SLC35E1: variants seen among roughly 807,000 people sequenced by gnomAD.
SLC35E1 encodes solute carrier family 35, member E1.
SLC35E1 carries 12 observed loss-of-function variants against 31.0 expected under a neutral mutation model. That is an observed-to-expected ratio of 0.39 (90% CI 0.25 to 0.63). The LOEUF (loss-of-function observed/expected upper bound fraction) is 0.63, where lower values mean the gene tolerates loss of function less well. Ranked by LOEUF, SLC35E1 falls within the 20% of genes least tolerant of loss-of-function variation. The pLI, the probability that SLC35E1 is intolerant of heterozygous loss-of-function variation, is 0.52. For synonymous variants in SLC35E1, 257 were observed against 264.1 expected (o/e 0.97, Z 0.26); for missense variants, 429 against 572.2 (o/e 0.75, Z 2.55).
chr19:16,558,761 T>A (rs934535375), intron 4 of SLC35E1, among the ~76,000 whole-genome samples: 1 of 149,640 alleles, frequency 6.7e-6, no homozygotes, highest in East Asian at 2.0e-4. Context: ...TTTCAGTCCA[T>A]CCCTTGAGTT....
chr19:16,560,881 CAAAA>C (rs1304202019), intron 4 of SLC35E1, among the ~76,000 whole-genome samples: 3 of 68,060 alleles, frequency 4.4e-5, no homozygotes, highest in Non-Finnish European at 8.6e-5. Context: ...AAAAAAAAAC[CAAAA>C]AAAAAAAAAA....
In SLC35E1 at chr19:16,555,110, G is replaced by C. The variant is rs778660229; in HGVS notation, c.1002+42C>G. On this transcript the variant is annotated intron_variant, in intron 5 of 5. Transcript: ENST00000595753. This position sits in a 1 kb window ranked among gnomAD's most constrained non-coding sequence, Gnocchi z 4.1. ...TCCTTTTCTGACTTCCTGGGTGTTG[G>C]GGGGCCGGCTTCCTTCCCTGCCCAG... is the stretch of plus-strand genomic sequence containing the variant. 1 of 1,611,180 alleles carries C rather than the reference G, an allele frequency of 6.2e-7. No individual in the cohort carries two copies. Among genetic ancestry groups the C allele is most frequent in the South Asian group, 1.1e-5 (1 of 90,836 alleles).
At chr19:16,571,919 C>A (rs1040481950) in intron 1 of SLC35E1, 25 bp downstream of exon 1, 6 of 1,530,932 alleles carry the variant, frequency 3.9e-6, no homozygotes, top group Non-Finnish European at 8.8e-7. Context: ...CGGCCGCCGC[C>A]CCCGAGGCCG....
At chr19:16,568,503 C>T (rs1433489133) in intron 2 of SLC35E1, among the ~76,000 whole-genome samples, 2 of 152,244 alleles carry the variant, frequency 1.3e-5, no homozygotes, top group African/African-American at 4.8e-5. Context: ...AGCCCTGATC[C>T]TCTATAAGGC....
In SLC35E1 at chr19:16,553,042, T is replaced by A. The variant is rs1160321238; in HGVS notation, c.*637A>T. On this transcript the variant is annotated 3_prime_UTR_variant, in exon 6 of 6. Coordinates refer to ENST00000595753, the MANE Select transcript of SLC35E1 (RefSeq NM_024881.5). ...GCACCAGGCTGCAGGAACTGGATGC[T>A]AATTGCAATCGCTTTTTGCTTTGGA... The A allele has an allele frequency of 6.6e-6, 1 of 152,242 alleles. No homozygotes were observed. The highest frequency in any genetic ancestry group is 1.5e-5 in the Non-Finnish European group (1 of 68,066). The allele number at this position is 152,242 out of a possible 1,614,324, so 9.4% of individuals were successfully genotyped here.
chr19:16,561,240 A>G lies in SLC35E1; in HGVS notation c.756+5292T>C, dbSNP rs1024219917. Among the ~76,000 whole-genome samples the G allele has an allele frequency of 3.9e-3, 504 of 128,856 alleles. 8 individuals carry two copies. The highest frequency in any genetic ancestry group is 0.015 in the African/African-American group (454 of 30,422). The allele number at this position is 128,856 out of a possible 152,430, so 84.5% of individuals were successfully genotyped here. On this transcript the variant is annotated intron_variant, in intron 4 of 5. Coordinates refer to ENST00000595753, the MANE Select transcript of SLC35E1 (RefSeq NM_024881.5). ...AAAAAAAAAAAAAAAAAAAAAAAAA[A>G]AAAGAAAGAAAAGAAAAGAGAAAGC... is the stretch of plus-strand genomic sequence containing the variant.
intron 4 of SLC35E1, among the ~76,000 whole-genome samples, chr19:16,561,544 A>G (rs1361790199): frequency 6.6e-6 from 1 of 152,070 alleles, no homozygotes; most frequent in East Asian, 1.9e-4. Flanking sequence ...AAGTTTTGAA[A>G]CCAGGCCACC....
At position 16,553,613 on chromosome 19, in the gene SLC35E1, A is replaced by C; in HGVS notation, c.*66T>G. 7.4e-7 allele frequency: 1 copy of C among 1,348,894 alleles called. No individual in the cohort carries two copies. Among genetic ancestry groups the C allele is most frequent in the Non-Finnish European group, 9.9e-7 (1 of 1,009,228 alleles). 83.6% of individuals were successfully genotyped at this position (1,348,894 alleles called of 1,614,324 possible). A position where few individuals can be genotyped will look rare whatever the true frequency, so the allele number is the denominator to read the frequency against. ...GGTTGTACATTCACTGATTGTCAGAAGTTTCTGATACTGCTGTGGGGGCCG... is the reference window on the plus strand; with the variant it reads ...GGTTGTACATTCACTGATTGTCAGACGTTTCTGATACTGCTGTGGGGGCCG... On this transcript the variant is annotated 3_prime_UTR_variant, in exon 6 of 6. Coordinates refer to ENST00000595753, the MANE Select transcript of SLC35E1 (RefSeq NM_024881.5).
At chr19:16,563,869 A>G (rs529332172) in intron 4 of SLC35E1, among the ~76,000 whole-genome samples, 1 of 152,362 alleles carries the variant, frequency 6.6e-6, no homozygotes, top group South Asian at 2.1e-4. Flanking sequence ...GAGTGAGTGT[A>G]CAGTAGAATA....
At chr19:16,568,468 C>T (rs2085942658) in intron 2 of SLC35E1, among the ~76,000 whole-genome samples, 1 of 152,252 alleles carries the variant, frequency 6.6e-6, no homozygotes, top group African/African-American at 2.4e-5. Flanking sequence ...ATCTGTTCAG[C>T]TGCCACTGAC....
chr19:16,553,988 G>T, intron 5 of SLC35E1, 79 bp from the exon 6 acceptor site: 2 of 1,284,544 alleles, frequency 1.6e-6, no homozygotes, highest in Non-Finnish European at 2.1e-6. Flanking sequence ...CAACTGGCTG[G>T]CTGCGGTGGC....
In SLC35E1 at chr19:16,550,848, A is replaced by G. The variant is rs531506364; in HGVS notation, c.*2831T>C. 6.6e-6 allele frequency: 1 copy of G among 152,324 alleles called. No individual in the cohort carries two copies. Among genetic ancestry groups the G allele is most frequent in the African/African-American group, 2.4e-5 (1 of 41,564 alleles). The allele number at this position is 152,324 out of a possible 1,614,324, so 9.4% of individuals were successfully genotyped here. ...CATTCCAGTGTACGTACTTGCTGTA[A>G]ATTTATATACAGAATTAAATAGCCC... On this transcript the variant is annotated 3_prime_UTR_variant, in exon 6 of 6. Transcript: ENST00000595753.
At chr19:16,569,271 C>T (rs1013336547) in intron 2 of SLC35E1, among the ~76,000 whole-genome samples, 1 of 152,142 alleles carries the variant, frequency 6.6e-6, no homozygotes, top group African/African-American at 2.4e-5. Flanking sequence ...GATCTGCCCA[C>T]CTTGGCCTCC....
intron 4 of SLC35E1, among the ~76,000 whole-genome samples, chr19:16,563,792 A>C (rs1203242767): frequency 6.6e-6 from 1 of 152,198 alleles, no homozygotes; most frequent in Non-Finnish European, 1.5e-5. Flanking sequence ...GCAAAGAAAT[A>C]CTAACCTTTT....
At chr19:16,570,657 T>C (rs1244195561) in intron 2 of SLC35E1, among the ~76,000 whole-genome samples, 1 of 152,210 alleles carries the variant, frequency 6.6e-6, no homozygotes, top group Non-Finnish European at 1.5e-5. Flanking sequence ...GAGTCCTGTG[T>C]GCCACTTTCG....
chr19:16,563,414 A>AT (rs1568273621), intron 4 of SLC35E1, among the ~76,000 whole-genome samples: 1 of 152,220 alleles, frequency 6.6e-6, no homozygotes, highest in African/African-American at 2.4e-5. Flanking sequence ...AAATTTGCTT[A>AT]TATTTGCAAA....
intron 2 of SLC35E1, among the ~76,000 whole-genome samples, chr19:16,569,181 C>T (rs189230424): frequency 3.3e-5 from 5 of 152,284 alleles, no homozygotes; most frequent in Admixed American, 2.6e-4. Context: ...CCTACCACCA[C>T]GCCCAACTAA....
At chr19:16,568,955 C>T (rs1419661017) in intron 2 of SLC35E1, among the ~76,000 whole-genome samples, 1 of 152,228 alleles carries the variant, frequency 6.6e-6, no homozygotes, top group Non-Finnish European at 1.5e-5. Context: ...CCCACCTCCA[C>T]CTTGGGAGGC....
chr19:16,561,904 T>C (rs894191526), intron 4 of SLC35E1, among the ~76,000 whole-genome samples: 31 of 152,074 alleles, frequency 2.0e-4, no homozygotes, highest in African/African-American at 7.0e-4. Context: ...AAAAAACATA[T>C]GGGCCAAGTG....
Sources: allele counts gnomAD v4.1 joint callset (sites outside exome capture counted in the v4.1 genomes callset), GRCh38; gene constraint gnomAD v4.1.1; non-coding constraint Gnocchi (gnomAD v3.1); transcripts MANE v1.5; gene names NCBI Gene and HGNC (gene_info 2026-07-23, HGNC 2026-07-21).